PCGF5: variants seen among roughly 807,000 people sequenced by gnomAD.
The protein encoded by PCGF5 is polycomb group ring finger 5.
PCGF5 carries 9 observed loss-of-function variants against 44.3 expected under a neutral mutation model. The observed-to-expected ratio is 0.20, with a 90% CI of 0.12 to 0.35. The LOEUF (loss-of-function observed/expected upper bound fraction) is 0.35, where lower values mean the gene tolerates loss of function less well. Among genes scored for constraint, PCGF5 ranks in the 10% least tolerant of loss-of-function variants. The probability of loss-of-function intolerance (pLI) is 1.00; values close to 1 mark genes in which losing one functional copy is unlikely to be tolerated. For synonymous variants in PCGF5, 95 were observed against 102.5 expected, an observed-to-expected ratio of 0.93 and a Z score of 0.44; for missense variants, 146 against 305.3, an observed-to-expected ratio of 0.48 and a Z score of 3.89.
chr10:91,183,733 C>T (rs1254188546), intron 1 of PCGF5, among the ~76,000 whole-genome samples: 1 of 152,068 alleles, frequency 6.6e-6, no homozygotes, highest in East Asian at 1.9e-4. Context: ...GTAGTGTGTC[C>T]TTCAGGAGTC....
intron 1 of PCGF5, among the ~76,000 whole-genome samples, chr10:91,177,254 C>T (rs1045524652): frequency 1.3e-5 from 2 of 151,002 alleles, no homozygotes; most frequent in Non-Finnish European, 1.5e-5. Flanking sequence ...GCTGCCTGAT[C>T]GTTCCTCTGG....
intron 8 of PCGF5, among the ~76,000 whole-genome samples, chr10:91,266,839 C>A (rs916528290): frequency 6.6e-6 from 1 of 152,136 alleles, no homozygotes; most frequent in Non-Finnish European, 1.5e-5. Context: ...CATTCAGAAT[C>A]CAGCTATGTC....
At chr10:91,270,109 A>G (rs1271082610) in intron 8 of PCGF5, among the ~76,000 whole-genome samples, 1 of 152,190 alleles carries the variant, frequency 6.6e-6, no homozygotes, top group Non-Finnish European at 1.5e-5. Flanking sequence ...ACTTAGTTTC[A>G]TCCCTGAGAG....
intron 7 of PCGF5, 42 bp downstream of exon 7, chr10:91,261,466 T>C: frequency 7.3e-7 from 1 of 1,375,460 alleles, no homozygotes. Flanking sequence ...TTGATAATTC[T>C]GATTTGAAGT....
upstream of PCGF5, among the ~76,000 whole-genome samples, chr10:91,217,734 C>T (rs538755449): frequency 1.1e-4 from 16 of 152,308 alleles, no homozygotes; most frequent in East Asian, 2.7e-3. Context: ...TCCCTCTCCT[C>T]ATCCATTCTT....
At chr10:91,164,512 G>C (rs1333166383) in intron 1 of PCGF5, among the ~76,000 whole-genome samples, 1 of 152,224 alleles carries the variant, frequency 6.6e-6, no homozygotes, top group Non-Finnish European at 1.5e-5. Context: ...CCTAGTAATT[G>C]CGTCTACCTA....
intron 1 of PCGF5, among the ~76,000 whole-genome samples, chr10:91,195,485 T>TAGAGAG (rs57633765): frequency 4.4e-5 from 5 of 113,544 alleles, no homozygotes; most frequent in Non-Finnish European, 5.5e-5. Context: ...TATATATATA[T>TAGAGAG]AGAGAGAGAG....
At chr10:91,253,662 C>T (rs931988837) in intron 6 of PCGF5, among the ~76,000 whole-genome samples, 66 of 152,092 alleles carry the variant, frequency 4.3e-4, no homozygotes, top group Non-Finnish European at 8.5e-4. Flanking sequence ...TGCAAAATTC[C>T]CCCAGTTTAG....
intron 3 of PCGF5, among the ~76,000 whole-genome samples, chr10:91,245,103 C>T (rs1037791428): frequency 1.8e-4 from 27 of 152,038 alleles, no homozygotes; most frequent in African/African-American, 6.3e-4. Context: ...CTGGAGAACT[C>T]CAGCATTAAG....
chr10:91,156,606 A>G, the PCGF5 span, among the ~76,000 whole-genome samples: 1 of 152,188 alleles, frequency 6.6e-6, no homozygotes, highest in Non-Finnish European at 1.5e-5. Flanking sequence ...ACTATGCCCG[A>G]GTCAGAGATT....
At chr10:91,181,391 T>C (rs1589354290) in intron 1 of PCGF5, among the ~76,000 whole-genome samples, 1 of 152,270 alleles carries the variant, frequency 6.6e-6, no homozygotes, top group East Asian at 1.9e-4. Context: ...TTGAATACTA[T>C]GTTGAATAGG....
intron 2 of PCGF5, 47 bp from the exon 3 acceptor site, chr10:91,240,437 G>A: frequency 8.2e-7 from 1 of 1,217,838 alleles, no homozygotes; most frequent in African/African-American, 1.5e-5. Flanking sequence ...AACATTAAAT[G>A]AGCGTTCATA....
At chr10:91,186,604 A>G (rs1183487373) in intron 1 of PCGF5, among the ~76,000 whole-genome samples, 1 of 106,992 alleles carries the variant, frequency 9.3e-6, no homozygotes, top group Non-Finnish European at 2.6e-5. Flanking sequence ...ATGTGTATAT[A>G]TACACACATA....
At chr10:91,222,551 A>G in intron 1 of PCGF5, 138 bp from the exon 2 acceptor site, 1 of 428,350 alleles carries the variant, frequency 2.3e-6, no homozygotes, top group East Asian at 3.4e-5. Context: ...AGTTAATGAT[A>G]CAATGAAGGA....
chr10:91,264,051 T>C (rs1845988806), intron 7 of PCGF5, among the ~76,000 whole-genome samples: 1 of 152,156 alleles, frequency 6.6e-6, no homozygotes, highest in Non-Finnish European at 1.5e-5. Context: ...CCAAAGGAGC[T>C]GAGAGGAACT....
At chr10:91,200,927 C>G (rs903915057) in intron 1 of PCGF5, among the ~76,000 whole-genome samples, 1 of 151,890 alleles carries the variant, frequency 6.6e-6, no homozygotes, top group African/African-American at 2.4e-5. Flanking sequence ...TTACTGTTGA[C>G]AGAGGGAAGT....
At chr10:91,220,094 G>C (rs917166649), upstream of PCGF5, 2 of 151,772 alleles carry the variant, frequency 1.3e-5, no homozygotes, top group Non-Finnish European at 2.9e-5. Flanking sequence ...TGTTTGTTTT[G>C]AACGTTGCAA....
intron 3 of PCGF5, among the ~76,000 whole-genome samples, chr10:91,246,437 A>AGTG (rs1320696788): frequency 1.3e-5 from 2 of 152,226 alleles, no homozygotes; most frequent in Non-Finnish European, 2.9e-5. Context: ...GAAGGGAGAC[A>AGTG]GTGAGCAAAT....
chr10:91,242,797 C>T (rs1313613461), intron 3 of PCGF5, among the ~76,000 whole-genome samples: 1 of 152,074 alleles, frequency 6.6e-6, no homozygotes, highest in Non-Finnish European at 1.5e-5. Context: ...TGGCCCCTTA[C>T]TCTTAAATGC....
Sources: gnomAD v4.1 joint callset for allele counts (sites outside exome capture counted in the v4.1 genomes callset) on GRCh38, gnomAD v4.1.1 for gene constraint, MANE v1.5 for transcripts, NCBI Gene and HGNC (gene_info 2026-07-23, HGNC 2026-07-21) for gene names.